Variants in RHOBTB3 observed in about 807,000 individuals in gnomAD.
RHOBTB3 encodes the protein Rho related BTB domain containing 3.
In RHOBTB3, 47 loss-of-function variants were observed where a neutral mutation model predicts 67.2. The observed-to-expected ratio is 0.70, with a 90% CI of 0.55 to 0.89. The LOEUF (loss-of-function observed/expected upper bound fraction) is 0.89. Among genes scored for constraint, RHOBTB3 ranks in the 40% least tolerant of loss-of-function variants. The probability of loss-of-function intolerance (pLI) is 0.00; values close to 1 mark genes in which losing one functional copy is unlikely to be tolerated. For synonymous variants in RHOBTB3, 273 were observed against 274.2 expected, an observed-to-expected ratio of 1.00 and a Z score of 0.04; for missense variants, 631 against 750.0, an observed-to-expected ratio of 0.84 and a Z score of 1.85.
At chr5:95,789,240 T>C (rs1746307357) in intron 11 of RHOBTB3, 1 of 169,810 alleles carries the variant, frequency 5.9e-6, no homozygotes, top group African/African-American at 2.4e-5. Context: ...AAATTTTTTA[T>C]AAAGGAATTT....
At chr5:95,783,014 C>A (rs868176555) in intron 9 of RHOBTB3, among the ~76,000 whole-genome samples, 1 of 151,018 alleles carries the variant, frequency 6.6e-6, no homozygotes, top group African/African-American at 2.4e-5. Context: ...TATAGAATCA[C>A]CTTTTCTGAA....
upstream of RHOBTB3, among the ~76,000 whole-genome samples, chr5:95,727,333 G>A (rs1755086361): frequency 6.6e-6 from 1 of 152,128 alleles, no homozygotes; most frequent in South Asian, 2.1e-4. Context: ...CTCTAGGCCT[G>A]CCCTCACCAA....
In RHOBTB3 at chr5:95,768,227, T is replaced by A. The variant is rs1745606555; in HGVS notation, c.1282+61T>A. 3 of 1,507,066 alleles carry A rather than the reference T, an allele frequency of 2.0e-6. No individual in the cohort carries two copies. The East Asian group carries it at 6.8e-5, about 34-fold the overall frequency. The allele number at this position is 1,507,066 out of a possible 1,614,324, so 93.4% of individuals were successfully genotyped here. A position where few individuals can be genotyped will look rare whatever the true frequency, so the allele number is the denominator to read the frequency against. ...TTTATTTCTTGTTTTCTTTCCTTGC[T>A]TTCTACTTCAGGTTTGAATGTTTGG... On this transcript the variant is annotated intron_variant, in intron 8 of 11. Transcript: ENST00000379982.
intron 2 of RHOBTB3, 106 bp downstream of exon 2, chr5:95,732,190 A>G (rs1466856072): frequency 1.0e-6 from 1 of 983,186 alleles, no homozygotes; most frequent in East Asian, 2.6e-5. Context: ...TGTCCGCGTT[A>G]CATGGGTCAA....
chr5:95,737,796 T>C (rs1201341288), intron 3 of RHOBTB3, among the ~76,000 whole-genome samples: 1 of 152,238 alleles, frequency 6.6e-6, no homozygotes, highest in Non-Finnish European at 1.5e-5. Flanking sequence ...TTTTTACCTA[T>C]GTATACAGCC....
intron 2 of RHOBTB3, chr5:95,732,625 A>T (rs1024039448): frequency 6.4e-6 from 1 of 157,034 alleles, no homozygotes; most frequent in African/African-American, 2.4e-5. Flanking sequence ...TGAAAACTTA[A>T]TTTTAATAAT....
intron 7 of RHOBTB3, among the ~76,000 whole-genome samples, chr5:95,767,254 T>G (rs1745573480): frequency 6.6e-6 from 1 of 152,210 alleles, no homozygotes; most frequent in Non-Finnish European, 1.5e-5. Flanking sequence ...ACGTTATTTT[T>G]TTAACTGTTC....
upstream of RHOBTB3, among the ~76,000 whole-genome samples, chr5:95,729,521 GT>G (rs1356119185): frequency 6.6e-6 from 1 of 152,076 alleles, no homozygotes; most frequent in Non-Finnish European, 1.5e-5. Flanking sequence ...ATGTTCTAGT[GT>G]TCAGTACACG....
chr5:95,759,280 GC>G (rs1745332394), intron 6 of RHOBTB3, among the ~76,000 whole-genome samples: 1 of 152,252 alleles, frequency 6.6e-6, no homozygotes, highest in Non-Finnish European at 1.5e-5. Context: ...AGGGGCACGG[GC>G]CATTGACCCG....
intron 8 of RHOBTB3, among the ~76,000 whole-genome samples, chr5:95,773,123 A>G (rs748426027): frequency 1.1e-4 from 17 of 152,232 alleles, no homozygotes; most frequent in Non-Finnish European, 1.8e-4. Context: ...ACATGAAAAT[A>G]TATGTCATAT....
At chr5:95,734,003 C>T (rs1292132079) in intron 2 of RHOBTB3, among the ~76,000 whole-genome samples, 1 of 152,130 alleles carries the variant, frequency 6.6e-6, no homozygotes, top group Non-Finnish European at 1.5e-5. Flanking sequence ...AAATAATATG[C>T]CTCCTAAAGC....
intron 5 of RHOBTB3, 132 bp from the exon 6 acceptor site, chr5:95,755,264 A>G (rs1745208840): frequency 1.6e-6 from 1 of 621,760 alleles, no homozygotes; most frequent in Non-Finnish European, 2.3e-6. Flanking sequence ...ATGGTTAAAT[A>G]TTGGCTGTTT....
chr5:95,719,985 CTTCCCATGTAGACT>C (rs1754819480), intron 1 of RHOBTB3, among the ~76,000 whole-genome samples: 1 of 152,124 alleles, frequency 6.6e-6, no homozygotes, highest in South Asian at 2.1e-4. Context: ...TAATAATGGG[CTTCCCATGTAGACT>C]TTCCTATAAG....
rs773279929 is a variant in RHOBTB3 at position 95,748,509 on chromosome 5, G to A, written c.570+22G>A. The A allele has an allele frequency of 7.6e-6, 12 of 1,579,010 alleles. No homozygotes were observed. The Admixed American group carries it at 1.2e-4, about 16-fold the overall frequency. The stretch of plus-strand genomic sequence containing the variant: ...AGTGGTAAGTGGAAATTCCTGTTAA[G>A]TATAAAGTTATTTGTCAGGTTGCCT... On this transcript the variant is annotated intron_variant, in intron 4 of 11. Transcript: ENST00000379982.
intron 2 of RHOBTB3, among the ~76,000 whole-genome samples, chr5:95,733,345 A>G (rs972692699): frequency 6.6e-6 from 1 of 152,218 alleles, no homozygotes; most frequent in African/African-American, 2.4e-5. Context: ...TCGTTGTGAA[A>G]GATCTTACAG....
At chr5:95,729,775 G>A (rs1289047480), upstream of RHOBTB3, among the ~76,000 whole-genome samples, 2 of 152,096 alleles carry the variant, frequency 1.3e-5, no homozygotes, top group Admixed American at 6.5e-5. Flanking sequence ...CACTTTTTGT[G>A]ATTTGCAACT....
chr5:95,767,963 A>T, intron 7 of RHOBTB3, 83 bp from the exon 8 acceptor site: 1 of 1,308,140 alleles, frequency 7.6e-7, no homozygotes, highest in Non-Finnish European at 1.1e-6. Flanking sequence ...GATTTAGCAT[A>T]ATTTTCCAAA....
At chr5:95,720,814 G>A (rs972473620) in intron 1 of RHOBTB3, among the ~76,000 whole-genome samples, 3 of 152,164 alleles carry the variant, frequency 2.0e-5, no homozygotes, top group African/African-American at 7.2e-5. Context: ...AATATGACAA[G>A]CATTCTAGTA....
chr5:95,773,147 T>G (rs1234690166), intron 8 of RHOBTB3, among the ~76,000 whole-genome samples: 14 of 152,206 alleles, frequency 9.2e-5, no homozygotes, highest in African/African-American at 2.4e-5. Flanking sequence ...AAAAGAGAGA[T>G]AAGCAGTGAT....
Sources: gnomAD v4.1 joint callset for allele counts (sites outside exome capture counted in the v4.1 genomes callset) on GRCh38, gnomAD v4.1.1 for gene constraint, MANE v1.5 for transcripts, NCBI Gene and HGNC (gene_info 2026-07-23, HGNC 2026-07-21) for gene names.